Variants in WWOX observed in about 807,000 individuals in gnomAD.
WWOX encodes WW domain-containing oxidoreductase.
In WWOX, 69 loss-of-function variants were observed where a neutral mutation model predicts 46.2. That is an observed-to-expected ratio of 1.49 (90% CI 1.23 to 1.82). The LOEUF is 1.82. Ranked by LOEUF, WWOX falls within the 40% of genes most tolerant of loss-of-function variation. The pLI, the probability that WWOX is intolerant of heterozygous loss-of-function variation, is 0.00. For missense variants in WWOX, 919 were observed against 542.6 expected (o/e 1.69, Z -6.89); for synonymous variants, 359 against 202.6 (o/e 1.77, Z -6.56).
chr16:79,132,127 A>AACACACACACACACACACAC (rs141785224), intron 8 of WWOX, among the ~76,000 whole-genome samples: 1 of 141,486 alleles, frequency 7.1e-6, no homozygotes, highest in Non-Finnish European at 1.6e-5. Flanking sequence ...CACTTGCAGA[A>AACACACACACACACACACAC]ACACACACAC....
chr16:78,684,284 A>C (rs9926764), intron 8 of WWOX, among the ~76,000 whole-genome samples: 10,872 of 152,200 alleles, frequency 0.071, 1,344 homozygotes, highest in African/African-American at 0.25. Flanking sequence ...CGGTCTGTCC[A>C]GGTGTACTCA....
chr16:78,541,473 C>CAAAAAAA (rs59900108), intron 8 of WWOX, among the ~76,000 whole-genome samples: 1 of 45,168 alleles, frequency 2.2e-5, no homozygotes, highest in African/African-American at 1.1e-4. Context: ...GACTCCGTCT[C>CAAAAAAA]AAAAAAAAAA....
chr16:79,063,913 G>T (rs1454422513), intron 8 of WWOX, among the ~76,000 whole-genome samples: 1 of 152,154 alleles, frequency 6.6e-6, no homozygotes, highest in Non-Finnish European at 1.5e-5. Flanking sequence ...GACTAGTATG[G>T]AGCAAAAACT....
In WWOX at chr16:78,919,513, C is replaced by CT. The variant is rs1425717047; in HGVS notation, c.1057-292090dup. 1.1e-4 allele frequency among the ~76,000 whole-genome samples: 12 copies of CT among 113,804 alleles called. 1 individual carries two copies. The highest frequency in any genetic ancestry group is 3.1e-4 in the African/African-American group (10 of 32,334). 74.7% of individuals were successfully genotyped at this position (113,804 alleles called of 152,430 possible). On this transcript the variant is annotated intron_variant, in intron 8 of 8. Coordinates refer to ENST00000566780, the MANE Select transcript of WWOX (RefSeq NM_016373.4). ...CTTTCTTCTCTTTTTTTTCTTTTAT[C>CT]TTTTTGTTTTGTTTTTTTTTTTTTT... is the stretch of plus-strand genomic sequence containing the variant.
At chr16:78,605,314 G>A (rs1282854341) in intron 8 of WWOX, among the ~76,000 whole-genome samples, 2 of 151,292 alleles carry the variant, frequency 1.3e-5, no homozygotes, top group Admixed American at 1.3e-4. Flanking sequence ...TCTTGCTCAG[G>A]CATGTCTTAT....
intron 6 of WWOX, among the ~76,000 whole-genome samples, chr16:78,417,870 C>T (rs958760777): frequency 3.3e-5 from 5 of 152,158 alleles, no homozygotes; most frequent in African/African-American, 1.2e-4. Flanking sequence ...CAACTGACCC[C>T]AACCACACCA....
At chr16:78,262,308 G>C (rs2079262955) in intron 5 of WWOX, among the ~76,000 whole-genome samples, 1 of 152,232 alleles carries the variant, frequency 6.6e-6, no homozygotes, top group African/African-American at 2.4e-5. Flanking sequence ...TAGATACAGA[G>C]AATCTCTGGT....
intron 8 of WWOX, among the ~76,000 whole-genome samples, chr16:78,987,714 G>A (rs2046808702): frequency 6.6e-6 from 1 of 152,226 alleles, no homozygotes; most frequent in African/African-American, 2.4e-5. Flanking sequence ...AATTCATTTC[G>A]CGCTAATGAG....
chr16:78,611,172 T>A (rs1024079175), intron 8 of WWOX, among the ~76,000 whole-genome samples: 1 of 152,198 alleles, frequency 6.6e-6, no homozygotes, highest in Non-Finnish European at 1.5e-5. Context: ...AATAGGTAGT[T>A]GAAATTTTGC....
Position 78,835,277 on chromosome 16 carries a change from T to G in WWOX, c.1057-376331T>G, listed in dbSNP as rs77942109. Among the ~76,000 whole-genome samples, 410 of 152,374 alleles carry G rather than the reference T, an allele frequency of 2.7e-3. 1 individual carries two copies. Among genetic ancestry groups the G allele is most frequent in the African/African-American group, 9.5e-3 (395 of 41,582 alleles). ...TCACCTTCCGAGATTATTTACTATT[T>G]TAGTCTGTAGCTTTTATCCCTTTAA... On this transcript the variant is annotated intron_variant, in intron 8 of 8. Coordinates refer to ENST00000566780, the MANE Select transcript of WWOX (RefSeq NM_016373.4).
chr16:79,099,593 TGAGA>T (rs10598848), intron 8 of WWOX, among the ~76,000 whole-genome samples: 8,220 of 148,702 alleles, frequency 0.055, 299 homozygotes, highest in African/African-American at 0.11. Flanking sequence ...TGTGTGTTTG[TGAGA>T]GAGAGAGAGA....
At chr16:78,744,032 A>G (rs1280296235) in intron 8 of WWOX, among the ~76,000 whole-genome samples, 2 of 152,086 alleles carry the variant, frequency 1.3e-5, no homozygotes, top group African/African-American at 4.8e-5. Flanking sequence ...TCTTTATTCA[A>G]AACGCCAAGA....
chr16:78,351,353 T>A (rs1468988790), intron 5 of WWOX, among the ~76,000 whole-genome samples: 2 of 152,230 alleles, frequency 1.3e-5, no homozygotes, highest in African/African-American at 4.8e-5. Flanking sequence ...AAGTACTGAT[T>A]GTCCAGCAGT....
In WWOX at chr16:78,349,569, T is replaced by C. The variant is rs1042818137; in HGVS notation, c.517-37291T>C. ...ATTACATGGCCCTGACTGTCTTGCCTGGTGCTGCAGGCCACCTTCACAGCC... is the reference window on the plus strand; with the variant it reads ...ATTACATGGCCCTGACTGTCTTGCCCGGTGCTGCAGGCCACCTTCACAGCC... On this transcript the variant is annotated intron_variant, in intron 5 of 8. Transcript: ENST00000566780. 3.3e-5 allele frequency among the ~76,000 whole-genome samples: 4 copies of C among 120,764 alleles called. 1 individual carries two copies. The highest frequency in any genetic ancestry group is 1.1e-4 in the African/African-American group (4 of 35,626). The allele number at this position is 120,764 out of a possible 152,430, so 79.2% of individuals were successfully genotyped here. A position where few individuals can be genotyped will look rare whatever the true frequency, so the allele number is the denominator to read the frequency against.
At chr16:79,060,845 A>C (rs188016608) in intron 8 of WWOX, among the ~76,000 whole-genome samples, 91 of 152,350 alleles carry the variant, frequency 6.0e-4, no homozygotes, top group Middle Eastern at 3.4e-3. Flanking sequence ...CAATAATTTT[A>C]TTGAAATGAA....
At chr16:79,030,299 T>G (rs2047727493) in intron 8 of WWOX, among the ~76,000 whole-genome samples, 1 of 152,256 alleles carries the variant, frequency 6.6e-6, no homozygotes, top group Non-Finnish European at 1.5e-5. Context: ...CATTAGGGTT[T>G]CTCTCCTCCA....
At chr16:78,286,379 T>TC (rs1332079821) in intron 5 of WWOX, among the ~76,000 whole-genome samples, 2 of 151,950 alleles carry the variant, frequency 1.3e-5, no homozygotes, top group Non-Finnish European at 2.9e-5. Flanking sequence ...GTGGGGGTTG[T>TC]CCCCCCCTTT....
chr16:78,775,646 C>G (rs370125946), intron 8 of WWOX, among the ~76,000 whole-genome samples: 7 of 152,164 alleles, frequency 4.6e-5, no homozygotes, highest in Non-Finnish European at 7.4e-5. Context: ...AAATGTCTTT[C>G]TTATAGATGG....
intron 8 of WWOX, among the ~76,000 whole-genome samples, chr16:78,946,874 G>C (rs2045959384): frequency 6.6e-6 from 1 of 152,098 alleles, no homozygotes; most frequent in African/African-American, 2.4e-5. Flanking sequence ...GCAAGGACAA[G>C]AGGACATCAC....
Sources: gnomAD v4.1 joint callset for allele counts (sites outside exome capture counted in the v4.1 genomes callset) on GRCh38, gnomAD v4.1.1 for gene constraint, MANE v1.5 for transcripts, NCBI Gene and HGNC (gene_info 2026-07-23, HGNC 2026-07-21) for gene names.